The following PLPP4 variants were observed in gnomAD, a reference collection of about 807,000 sequenced individuals.
PLPP4 encodes phospholipid phosphatase 4.
In PLPP4, 20 loss-of-function variants were observed where a neutral mutation model predicts 32.2. The ratio of observed to expected loss-of-function variants is 0.62; its 90% confidence interval spans 0.44 to 0.90. PLPP4 has a LOEUF of 0.90. PLPP4 is among the 40% of genes least tolerant of loss of function. The probability of loss-of-function intolerance (pLI) is 0.00; values close to 1 mark genes in which losing one functional copy is unlikely to be tolerated. For missense variants in PLPP4, 257 were observed against 353.1 expected (o/e 0.73, Z 2.18); for synonymous variants, 127 against 133.0 (o/e 0.95, Z 0.31).
intron 6 of PLPP4, among the ~76,000 whole-genome samples, chr10:120,589,077 A>G (rs1416453932): frequency 6.6e-6 from 1 of 152,076 alleles, no homozygotes; most frequent in Non-Finnish European, 1.5e-5. Flanking sequence ...ACAAAACAAA[A>G]AACCGGGAAG....
intron 1 of PLPP4, among the ~76,000 whole-genome samples, chr10:120,487,505 G>A (rs1157913723): frequency 6.6e-6 from 1 of 152,190 alleles, no homozygotes; most frequent in Non-Finnish European, 1.5e-5. Context: ...TTAAGTCAGA[G>A]AAGCAACATT....
rs1467799607 is a variant in PLPP4 at position 120,575,333 on chromosome 10, C to T, written c.616+32C>T. 6 of 1,598,632 alleles carry T rather than the reference C, an allele frequency of 3.8e-6. No individual in the cohort carries two copies. In the South Asian group the frequency reaches 5.5e-5, roughly 15 times the overall value. ...CCCTGCCCAGGGCCTGACTAGTCCT[C>T]ACTGTGGTTGCCCCTCTCCTCCAGG... On this transcript the variant is annotated intron_variant, in intron 6 of 6. Transcript: ENST00000398250.
chr10:120,524,506 G>T, intron 5 of PLPP4, among the ~76,000 whole-genome samples: 1 of 152,186 alleles, frequency 6.6e-6, no homozygotes, highest in East Asian at 1.9e-4. Flanking sequence ...CGGCTGGAAT[G>T]AAGTCCAGGT....
In PLPP4 at chr10:120,461,070, T is replaced by A. The variant is rs544222335; in HGVS notation, c.56+3709T>A. ...TATCTCCAGAAGAGCAAGTACACATTGCCTGGAGTGATGTGTGGGAAGCTG... is the reference window on the plus strand; with the variant it reads ...TATCTCCAGAAGAGCAAGTACACATAGCCTGGAGTGATGTGTGGGAAGCTG... On this transcript the variant is annotated intron_variant, in intron 1 of 6. Transcript: ENST00000398250. 3.9e-5 allele frequency among the ~76,000 whole-genome samples: 6 copies of A among 152,282 alleles called. No individual in the cohort carries two copies. The East Asian group carries it at 1.2e-3, about 29-fold the overall frequency.
In PLPP4 at chr10:120,532,044, A is replaced by G. The variant is rs183143379; in HGVS notation, c.445+10949A>G. 5.9e-3 allele frequency among the ~76,000 whole-genome samples: 905 copies of G among 152,172 alleles called. 12 individuals are homozygous for G. The highest frequency in any genetic ancestry group is 0.021 in the African/African-American group (867 of 41,506). ...ATCGTCTACATTAGGTATTTCTCCT[A>G]ATGCTATCCCTCCCCTAGCCCCTAC... On this transcript the variant is annotated intron_variant, in intron 5 of 6. Transcript: ENST00000398250.
chr10:120,492,731 C>T (rs1054722236), intron 1 of PLPP4, among the ~76,000 whole-genome samples: 1 of 152,210 alleles, frequency 6.6e-6, no homozygotes, highest in Non-Finnish European at 1.5e-5. Context: ...CACTATCTTC[C>T]TTGCTATTTC....
chr10:120,565,234 T>G (rs1331304219), intron 5 of PLPP4, among the ~76,000 whole-genome samples: 1 of 152,188 alleles, frequency 6.6e-6, no homozygotes, highest in Non-Finnish European at 1.5e-5. Context: ...CCAGTATCTT[T>G]GCTTAGCATT....
intron 4 of PLPP4, among the ~76,000 whole-genome samples, 177 bp downstream of exon 4, chr10:120,519,073 T>C (rs1846049230): frequency 6.6e-6 from 1 of 152,180 alleles, no homozygotes; most frequent in African/African-American, 2.4e-5. Context: ...ACAAACTCAC[T>C]ATTTTAGAAA....
intron 5 of PLPP4, among the ~76,000 whole-genome samples, chr10:120,548,270 G>A (rs746351409): frequency 1.3e-4 from 20 of 151,858 alleles, no homozygotes; most frequent in South Asian, 2.1e-4. Context: ...TGTCATTCTC[G>A]TCTTTGTGTT....
At chr10:120,497,971 C>T (rs898363524) in intron 1 of PLPP4, among the ~76,000 whole-genome samples, 4 of 151,746 alleles carry the variant, frequency 2.6e-5, no homozygotes, top group African/African-American at 4.8e-5. Flanking sequence ...ACCTGGGAGG[C>T]GGAGCTTGCA....
chr10:120,572,820 G>C (rs1433195704), intron 5 of PLPP4, among the ~76,000 whole-genome samples: 1 of 152,188 alleles, frequency 6.6e-6, no homozygotes, highest in Non-Finnish European at 1.5e-5. Context: ...TTAAGAAGTC[G>C]TTGTGCTTGC....
At chr10:120,519,080 G>C (rs2133904023) in intron 4 of PLPP4, among the ~76,000 whole-genome samples, 184 bp downstream of exon 4, 1 of 152,272 alleles carries the variant, frequency 6.6e-6, no homozygotes, top group South Asian at 2.1e-4. Flanking sequence ...CACTATTTTA[G>C]AAAGCAGATC....
At chr10:120,530,448 A>C (rs1846650925) in intron 5 of PLPP4, among the ~76,000 whole-genome samples, 1 of 152,192 alleles carries the variant, frequency 6.6e-6, no homozygotes, top group African/African-American at 2.4e-5. Flanking sequence ...GCTTTGGCTC[A>C]GTATGTCTTG....
intron 5 of PLPP4, among the ~76,000 whole-genome samples, chr10:120,568,666 T>C (rs1244588137): frequency 6.6e-6 from 1 of 152,240 alleles, no homozygotes; most frequent in Non-Finnish European, 1.5e-5. Flanking sequence ...TCAGCTCCTC[T>C]AATGTCATTA....
intron 1 of PLPP4, among the ~76,000 whole-genome samples, chr10:120,500,369 G>T (rs963731773): frequency 1.3e-5 from 2 of 152,096 alleles, no homozygotes; most frequent in African/African-American, 4.8e-5. Context: ...AGTGTCAATC[G>T]CACCCTGTGG....
At chr10:120,549,324 C>T (rs536549874) in intron 5 of PLPP4, among the ~76,000 whole-genome samples, 1 of 150,042 alleles carries the variant, frequency 6.7e-6, no homozygotes, top group Non-Finnish European at 1.5e-5. Context: ...CACTGCTAAC[C>T]AAAATGGATA....
intron 6 of PLPP4, among the ~76,000 whole-genome samples, chr10:120,586,419 A>G (rs1309561628): frequency 6.6e-6 from 1 of 151,756 alleles, no homozygotes; most frequent in Non-Finnish European, 1.5e-5. Flanking sequence ...GCTAGGGGAT[A>G]TGACCTATTT....
chr10:120,572,750 T>C (rs1849002709), intron 5 of PLPP4, among the ~76,000 whole-genome samples: 1 of 152,216 alleles, frequency 6.6e-6, no homozygotes, highest in South Asian at 2.1e-4. Context: ...CCCACTGGAA[T>C]ACCTCAAGGA....
At chr10:120,577,221 A>G (rs528254071) in intron 6 of PLPP4, among the ~76,000 whole-genome samples, 1 of 152,324 alleles carries the variant, frequency 6.6e-6, no homozygotes, top group Non-Finnish European at 1.5e-5. Context: ...TAAGCTATGA[A>G]TGCCAGGTTT....
Sources: allele counts gnomAD v4.1 joint callset (sites outside exome capture counted in the v4.1 genomes callset), GRCh38; gene constraint gnomAD v4.1.1; transcripts MANE v1.5; gene names NCBI Gene and HGNC (gene_info 2026-07-23, HGNC 2026-07-21).